The following TSPAN18 variants were observed in gnomAD, a reference collection of about 807,000 sequenced individuals.
The protein encoded by TSPAN18 is tetraspanin-18.
A neutral mutation model predicts 27.3 loss-of-function variants in TSPAN18; 14 were observed. The ratio of observed to expected loss-of-function variants is 0.51; its 90% CI spans 0.34 to 0.80. The LOEUF is 0.80. Among genes scored for constraint, TSPAN18 ranks in the 30% least tolerant of loss-of-function variants. The probability of loss-of-function intolerance (pLI) is 0.01; values close to 1 mark genes in which losing one functional copy is unlikely to be tolerated. For synonymous variants in TSPAN18, 143 were observed against 136.5 expected (o/e 1.05, Z -0.33); for missense variants, 268 against 323.9 (o/e 0.83, Z 1.32).
intron 2 of TSPAN18, among the ~76,000 whole-genome samples, chr11:44,799,016 C>G (rs1216299982): frequency 7.2e-6 from 1 of 138,894 alleles, no homozygotes. Flanking sequence ...GTGTCATGCT[C>G]TGCACCCCAC....
intron 2 of TSPAN18, among the ~76,000 whole-genome samples, chr11:44,790,861 A>G (rs1856202122): frequency 6.6e-6 from 1 of 152,176 alleles, no homozygotes; most frequent in Admixed American, 6.5e-5. Context: ...GACAAATCAT[A>G]GCCAGGACAG....
intron 3 of TSPAN18, among the ~76,000 whole-genome samples, chr11:44,896,107 T>C (rs1379678986): frequency 6.6e-6 from 1 of 152,128 alleles, no homozygotes; most frequent in African/African-American, 2.4e-5. Flanking sequence ...GGATGGTAGA[T>C]GGCTGACTGG....
At chr11:44,851,841 T>C (rs1229437974) in intron 2 of TSPAN18, among the ~76,000 whole-genome samples, 1 of 152,182 alleles carries the variant, frequency 6.6e-6, no homozygotes, top group Non-Finnish European at 1.5e-5. Context: ...TCAACAGCGC[T>C]GTTATCCATT....
chr11:44,872,426 C>T lies in TSPAN18; in HGVS notation c.-11+11957C>T, dbSNP rs187578554. On this transcript the variant is annotated intron_variant, in intron 3 of 9. Coordinates refer to ENST00000520358, the MANE Select transcript of TSPAN18 (RefSeq NM_130783.5). ...ATGCACCAACCTCATAGGGTTGCCA[C>T]GAGGATTCACTGAGTGAATGCATGT... Among the ~76,000 whole-genome samples, 11 of 152,318 alleles carry T rather than the reference C, an allele frequency of 7.2e-5. No individual in the cohort carries two copies. In the South Asian group the frequency reaches 8.3e-4, roughly 11 times the overall value.
chr11:44,759,381 A>G (rs1242967786), intron 1 of TSPAN18, among the ~76,000 whole-genome samples: 1 of 152,196 alleles, frequency 6.6e-6, no homozygotes, highest in Non-Finnish European at 1.5e-5. Flanking sequence ...CCTCAGACCT[A>G]CTGACTCTGG....
intron 2 of TSPAN18, among the ~76,000 whole-genome samples, chr11:44,855,746 A>T (rs187748365): frequency 1.7e-3 from 246 of 141,788 alleles, no homozygotes; most frequent in African/African-American, 6.0e-3. Flanking sequence ...ATCCCCCCAC[A>T]CCACCCACCC....
At chr11:44,909,450 C>T (rs1041245715) in intron 4 of TSPAN18, 15 of 497,692 alleles carry the variant, frequency 3.0e-5, no homozygotes, top group African/African-American at 3.9e-5. Flanking sequence ...TGATACAGCC[C>T]GAGGTGGGGC....
chr11:44,859,903 C>T (rs1170446310), intron 2 of TSPAN18, among the ~76,000 whole-genome samples: 1 of 152,224 alleles, frequency 6.6e-6, no homozygotes, highest in Non-Finnish European at 1.5e-5. Flanking sequence ...CGGCATGGAG[C>T]ATCCCAGGAA....
intron 2 of TSPAN18, among the ~76,000 whole-genome samples, chr11:44,808,435 G>A (rs1342913150): frequency 5.3e-5 from 8 of 152,166 alleles, no homozygotes; most frequent in African/African-American, 7.2e-5. Context: ...CTATTTATGC[G>A]TATGGATTCC....
At chr11:44,861,589 T>G (rs1440615455) in intron 3 of TSPAN18, among the ~76,000 whole-genome samples, 1 of 151,838 alleles carries the variant, frequency 6.6e-6, no homozygotes, top group Non-Finnish European at 1.5e-5. Flanking sequence ...CCAAGCATTA[T>G]TTTTAGAAAA....
intron 3 of TSPAN18, among the ~76,000 whole-genome samples, chr11:44,883,911 T>A (rs186231261): frequency 6.6e-6 from 1 of 150,678 alleles, no homozygotes; most frequent in Non-Finnish European, 1.5e-5. Flanking sequence ...TGTACCTACT[T>A]TGTAGGTTGT....
chr11:44,917,703 CTG>C, intron 5 of TSPAN18: 1 of 454,700 alleles, frequency 2.2e-6, no homozygotes, highest in East Asian at 3.8e-5. Flanking sequence ...AGGTTGCACA[CTG>C]TACGAGGGGC....
rs1860484913 is a variant in TSPAN18, at chr11:44,929,316, G to C, written c.*138G>C. 1.0e-6 allele frequency: 1 copy of C among 994,288 alleles called. No individual in the cohort carries two copies. Among genetic ancestry groups the C allele is most frequent in the African/African-American group, 1.6e-5 (1 of 60,974 alleles). The allele number at this position is 994,288 out of a possible 1,614,324, so 61.6% of individuals were successfully genotyped here. A position where few individuals can be genotyped will look rare whatever the true frequency, so the allele number is the denominator to read the frequency against. The stretch of plus-strand genomic sequence containing the variant: ...TCAGAGATGGCCAGGAGAAGGGCCA[G>C]GGGAATAGAGCTATTTTTTTAACAA... On this transcript the variant is annotated 3_prime_UTR_variant, in exon 10 of 10. Transcript: ENST00000520358.
intron 5 of TSPAN18, among the ~76,000 whole-genome samples, chr11:44,910,883 T>C (rs835999): frequency 0.99 from 150,044 of 152,320 alleles, 73,964 homozygotes; most frequent in Non-Finnish European, 1. Context: ...CCTAAGGGTG[T>C]GCCTCCCATC....
intron 4 of TSPAN18, among the ~76,000 whole-genome samples, chr11:44,908,340 A>C (rs1859533545): frequency 6.6e-6 from 1 of 152,158 alleles, no homozygotes; most frequent in Non-Finnish European, 1.5e-5. Flanking sequence ...CTCCCACCAC[A>C]CAAAGGGATT....
intron 1 of TSPAN18, among the ~76,000 whole-genome samples, chr11:44,754,174 A>G (rs554174045): frequency 1.3e-5 from 2 of 152,326 alleles, no homozygotes; most frequent in South Asian, 2.1e-4. Context: ...GCATTAGAAT[A>G]TATTTACATG....
intron 2 of TSPAN18, among the ~76,000 whole-genome samples, chr11:44,787,526 AG>A (rs1856087825): frequency 6.6e-6 from 1 of 152,222 alleles, no homozygotes; most frequent in African/African-American, 2.4e-5. Context: ...GTGGGAAGGC[AG>A]CAGGCTTAGA....
intron 2 of TSPAN18, among the ~76,000 whole-genome samples, chr11:44,769,003 C>A (rs548858807): frequency 2.1e-4 from 31 of 148,480 alleles, no homozygotes; most frequent in Non-Finnish European, 3.6e-4. Context: ...TTAAGAAATT[C>A]TCTGCCTCAG....
intron 2 of TSPAN18, among the ~76,000 whole-genome samples, chr11:44,797,949 A>G (rs887131442): frequency 6.6e-6 from 1 of 152,322 alleles, no homozygotes; most frequent in East Asian, 1.9e-4. Context: ...TTGTTGGGTC[A>G]AATAAAGGCT....
Sources: gnomAD v4.1 joint callset for allele counts (sites outside exome capture counted in the v4.1 genomes callset) on GRCh38, gnomAD v4.1.1 for gene constraint, MANE v1.5 for transcripts, NCBI Gene and HGNC (gene_info 2026-07-23, HGNC 2026-07-21) for gene names.